The following ZNF395 variants were observed in gnomAD, a reference collection of about 807,000 sequenced individuals.
ZNF395 encodes zinc finger protein 395, also known as HD gene regulatory region-binding protein 2.
ZNF395 carries 20 observed loss-of-function variants against 57.7 expected under a neutral mutation model. The observed-to-expected ratio is 0.35, with a 90% CI of 0.24 to 0.50. The LOEUF (loss-of-function observed/expected upper bound fraction) is 0.50, where lower values mean the gene tolerates loss of function less well. Ranked by LOEUF, ZNF395 falls within the 20% of genes least tolerant of loss-of-function variation. ZNF395 has a pLI of 0.97. For missense variants in ZNF395, 606 were observed against 671.2 expected, an observed-to-expected ratio of 0.90 and a Z score of 1.07; for synonymous variants, 295 against 275.9, an observed-to-expected ratio of 1.07 and a Z score of -0.69.
At chr8:28,354,500 C>A (rs1202271002) in intron 4 of ZNF395, among the ~76,000 whole-genome samples, 1 of 152,186 alleles carries the variant, frequency 6.6e-6, no homozygotes, top group Admixed American at 6.5e-5. Flanking sequence ...TTTCTCTCCT[C>A]TTGCTCATAG....
intron 1 of ZNF395, among the ~76,000 whole-genome samples, chr8:28,362,935 A>G (rs983730357): frequency 6.6e-6 from 1 of 152,212 alleles, no homozygotes; most frequent in African/African-American, 2.4e-5. Flanking sequence ...ATAAAATAAT[A>G]TAAGGAAAAG....
intron 1 of ZNF395, among the ~76,000 whole-genome samples, chr8:28,377,810 T>A (rs1802059820): frequency 7.1e-6 from 1 of 140,746 alleles, no homozygotes; most frequent in Non-Finnish European, 1.5e-5. Context: ...CAGGCTGGAG[T>A]GCAGTAGCAT....
rs1304716818 is a variant in ZNF395, at chr8:28,348,772, G to C, written c.1489C>G (p.Gln497Glu). The change falls in exon 10 of 10, where the codon CAG becomes GAG. Residue 497 changes from glutamine to glutamate, a missense_variant. Transcript: ENST00000344423. ...TTCCACCGGCAGGCCGTGCACCACT[G>C]GTCCCGGTGCTCGATGCCATACACC... ...RKVYGIEHRDQWCTACRWKKA... is the reference protein window; with the variant it reads ...RKVYGIEHRDEWCTACRWKKA... 2.5e-6 allele frequency: 4 copies of C among 1,614,006 alleles called. No homozygotes were observed. The East Asian group carries it at 6.7e-5, about 27-fold the overall frequency.
Position 28,378,124 on chromosome 8 carries a change from C to A in ZNF395, c.-59+8269G>T, listed in dbSNP as rs540041228. 4.6e-5 allele frequency among the ~76,000 whole-genome samples: 7 copies of A among 152,264 alleles called. No homozygotes were observed. The South Asian group carries it at 1.5e-3, about 32-fold the overall frequency. On this transcript the variant is annotated intron_variant, in intron 1 of 9. Transcript: ENST00000344423. ...TATTACTGGCCATTTCCCGGCCCCC[C>A]ACCACCACCAACCTTCTTGCTTTTC...
Position 28,356,927 on chromosome 8 carries a change from G to A in ZNF395, c.474-148C>T. 1.6e-6 allele frequency: 1 copy of A among 628,024 alleles called. No individual in the cohort carries two copies. 38.9% of individuals were successfully genotyped at this position (628,024 alleles called of 1,614,324 possible). A position where few individuals can be genotyped will look rare whatever the true frequency, so the allele number is the denominator to read the frequency against. On this transcript the variant is annotated intron_variant, in intron 3 of 9. Coordinates refer to ENST00000344423, the MANE Select transcript of ZNF395 (RefSeq NM_018660.3). The surrounding 1 kb of genome is among the most constrained non-coding windows in gnomAD (Gnocchi z 4.0). ...CTCCAAGTGCCCCCAACTCCAATCAGCCAGTGTGTGCTCAGATCATATAAA... is the reference window on the plus strand; with the variant it reads ...CTCCAAGTGCCCCCAACTCCAATCAACCAGTGTGTGCTCAGATCATATAAA...
chr8:28,382,854 A>G (rs1162105926), intron 1 of ZNF395, among the ~76,000 whole-genome samples: 1 of 152,238 alleles, frequency 6.6e-6, no homozygotes, highest in East Asian at 1.9e-4. Flanking sequence ...GTGGGAGACA[A>G]GAGGTTTTTA....
At chr8:28,380,793 G>A (rs569870424) in intron 1 of ZNF395, among the ~76,000 whole-genome samples, 1 of 152,292 alleles carries the variant, frequency 6.6e-6, no homozygotes, top group Non-Finnish European at 1.5e-5. Context: ...CCTTGCATCC[G>A]ATAGCCACAC....
At chr8:28,381,066 G>C (rs1802103985) in intron 1 of ZNF395, among the ~76,000 whole-genome samples, 1 of 131,282 alleles carries the variant, frequency 7.6e-6, no homozygotes, top group African/African-American at 2.7e-5. Context: ...TGTTTTGACG[G>C]AGTCTCGCTC....
intron 4 of ZNF395, among the ~76,000 whole-genome samples, chr8:28,355,484 G>C (rs952808490): frequency 6.6e-6 from 1 of 151,202 alleles, no homozygotes; most frequent in Non-Finnish European, 1.5e-5. Context: ...AAATTGTCAG[G>C]ATGATGGCAT....
chr8:28,351,232 C>T (rs1585850553), intron 7 of ZNF395, among the ~76,000 whole-genome samples: 1 of 152,228 alleles, frequency 6.6e-6, no homozygotes, highest in African/African-American at 2.4e-5. Context: ...TGACAATTCC[C>T]CCACCCAAAT....
rs1330894613 is a variant in ZNF395, at chr8:28,359,760, C to T, written c.305G>A (p.Gly102Asp). The change falls in exon 3 of 10, where the codon GGT (glycine) becomes GAT (aspartate). Residue 102 changes from glycine (G) to aspartate (D), a missense_variant. Gly to Asp is a moderately conservative substitution (Grantham distance 94, BLOSUM62 -1). Transcript: ENST00000344423. This position sits in a 1 kb window ranked among gnomAD's most constrained non-coding sequence, Gnocchi z 4.7. The part of the protein sequence containing the change: ...GLVEQHSWME[G>D]QVTVWLLEQK... ...CTCCAGCAGCCAGACGGTCACCTGA[C>T]CCTCCATCCAGCTGTGCTGCTCCAC... 4 of 1,614,152 alleles carry T rather than the reference C, an allele frequency of 2.5e-6. No individual in the cohort carries two copies. In the South Asian group the frequency reaches 4.4e-5, roughly 18 times the overall value.
At chr8:28,360,077 G>A (rs1301287659) in intron 2 of ZNF395, among the ~76,000 whole-genome samples, 1 of 152,196 alleles carries the variant, frequency 6.6e-6, no homozygotes, top group African/African-American at 2.4e-5. Context: ...CAGTTTCTGG[G>A]ACTTTCTCTG....
At chr8:28,350,480 C>G (rs7837077) in intron 7 of ZNF395, among the ~76,000 whole-genome samples, 15,561 of 152,250 alleles carry the variant, frequency 0.1, 2,598 homozygotes, top group African/African-American at 0.34. Context: ...TGCCATGGCA[C>G]GTGCCAAAAG....
chr8:28,362,617 C>G (rs1801864232), intron 1 of ZNF395, among the ~76,000 whole-genome samples: 1 of 143,932 alleles, frequency 6.9e-6, no homozygotes, highest in South Asian at 2.4e-4. Context: ...TATCTTTGAA[C>G]AGCTGCATAA....
intron 1 of ZNF395, among the ~76,000 whole-genome samples, chr8:28,384,315 T>G (rs894490532): frequency 6.6e-6 from 1 of 152,208 alleles, no homozygotes. Flanking sequence ...CAGGATACAT[T>G]CCCTGGTATG....
intron 1 of ZNF395, among the ~76,000 whole-genome samples, chr8:28,382,793 A>C (rs879931180): frequency 3.3e-5 from 5 of 152,064 alleles, no homozygotes; most frequent in Admixed American, 3.3e-4. Flanking sequence ...AAAACTCTCT[A>C]TTTTTCAAAC....
chr8:28,379,347 T>C (rs1268483547), intron 1 of ZNF395, among the ~76,000 whole-genome samples: 5 of 152,164 alleles, frequency 3.3e-5, no homozygotes, highest in African/African-American at 1.2e-4. Flanking sequence ...GATCCTGTTA[T>C]AAACTGCATT....
At chr8:28,375,384 TA>T (rs542686617) in intron 1 of ZNF395, 5,457 of 121,206 alleles carry the variant, frequency 0.045, 292 homozygotes, top group African/African-American at 0.14. Context: ...CAAGACTGTC[TA>T]AAAAAAAAAA....
intron 1 of ZNF395, among the ~76,000 whole-genome samples, chr8:28,367,003 G>A (rs1013185021): frequency 6.6e-6 from 1 of 151,722 alleles, no homozygotes; most frequent in Non-Finnish European, 1.5e-5. Flanking sequence ...GAGGGGTGTG[G>A]TGTGTACTTA....
Sources: gnomAD v4.1 joint callset for allele counts (sites outside exome capture counted in the v4.1 genomes callset) on GRCh38, gnomAD v4.1.1 for gene constraint, Gnocchi (gnomAD v3.1) non-coding constraint, MANE v1.5 for transcripts, NCBI Gene and HGNC (gene_info 2026-07-23, HGNC 2026-07-21) for gene names.